ARL15: variants seen among roughly 807,000 people sequenced by gnomAD.
ARL15 encodes ARF like GTPase 15.
In ARL15, 19 loss-of-function variants were observed where a neutral mutation model predicts 25.2. That is an observed-to-expected ratio of 0.75 (90% CI 0.53 to 1.10). The LOEUF is 1.10. ARL15 is among the 50% of genes least tolerant of loss of function. The pLI is 0.00. For synonymous variants in ARL15, 94 were observed against 86.8 expected, an observed-to-expected ratio of 1.08 and a Z score of -0.46; for missense variants, 220 against 246.0, an observed-to-expected ratio of 0.89 and a Z score of 0.71.
chr5:54,235,413 T>C (rs766402465), intron 1 of ARL15, among the ~76,000 whole-genome samples: 2 of 152,066 alleles, frequency 1.3e-5, no homozygotes, highest in Non-Finnish European at 2.9e-5. Flanking sequence ...ACGGGTGGCA[T>C]GATCTAATTT....
chr5:54,075,304 CT>C lies in ARL15; in HGVS notation c.462+37897del, dbSNP rs563618992. Among the ~76,000 whole-genome samples, 599 of 152,182 alleles carry C rather than the reference CT, an allele frequency of 3.9e-3. 5 individuals carry two copies. Among genetic ancestry groups the C allele is most frequent in the African/African-American group, 0.014 (563 of 41,544 alleles). ...AGGTAGGCTTGAGAAAACTGATATA[CT>C]TTCCCCAGGTAGACGTGAAGCTTCT... On this transcript the variant is annotated intron_variant, in intron 4 of 4. Transcript: ENST00000504924.
At chr5:53,965,040 C>T (rs886352103) in intron 4 of ARL15, among the ~76,000 whole-genome samples, 1 of 152,290 alleles carries the variant, frequency 6.6e-6, no homozygotes, top group South Asian at 2.1e-4. Flanking sequence ...ATAAGAAAAT[C>T]TTTGCCAGGA....
At chr5:54,192,404 C>T (rs772340466) in intron 1 of ARL15, among the ~76,000 whole-genome samples, 1 of 152,066 alleles carries the variant, frequency 6.6e-6, no homozygotes, top group Non-Finnish European at 1.5e-5. Context: ...AGTCTCCCCT[C>T]ACTAGAACAT....
At chr5:53,978,622 C>CAAAA (rs147288475) in intron 4 of ARL15, among the ~76,000 whole-genome samples, 2,423 of 74,312 alleles carry the variant, frequency 0.033, 105 homozygotes, top group Non-Finnish European at 0.049. Flanking sequence ...CCTGTCTCTA[C>CAAAA]AAAAAAAAAA....
chr5:54,162,287 C>T (rs1330602257), intron 2 of ARL15, among the ~76,000 whole-genome samples: 1 of 152,126 alleles, frequency 6.6e-6, no homozygotes, highest in Non-Finnish European at 1.5e-5. Flanking sequence ...CCCCTTTTCT[C>T]CTACATCATT....
At chr5:54,228,077 T>G (rs1756574136) in intron 1 of ARL15, among the ~76,000 whole-genome samples, 1 of 152,162 alleles carries the variant, frequency 6.6e-6, no homozygotes, top group African/African-American at 2.4e-5. Context: ...CCTGGGCACC[T>G]TACATGAAAA....
At chr5:54,055,487 A>G (rs1021611375) in intron 4 of ARL15, among the ~76,000 whole-genome samples, 1 of 150,878 alleles carries the variant, frequency 6.6e-6, no homozygotes, top group South Asian at 2.1e-4. Context: ...CAGCCTCCCA[A>G]GTAGCTGGGA....
chr5:54,179,517 T>A (rs539762245), intron 1 of ARL15, among the ~76,000 whole-genome samples: 17 of 152,192 alleles, frequency 1.1e-4, no homozygotes, highest in African/African-American at 4.1e-4. Flanking sequence ...GACCTGCAGC[T>A]CTCTTGGAGT....
rs571402089 is a variant in ARL15 at position 54,258,243 on chromosome 5, G to A, written c.48+52189C>T. Among the ~76,000 whole-genome samples the A allele has an allele frequency of 3.3e-5, 5 of 152,144 alleles. No homozygotes were observed. In the South Asian group the frequency reaches 1.0e-3, roughly 32 times the overall value. ...GTCCAAGCTACTCCAGAAGCCTGAG[G>A]TAGGGGGATCACTTCAACTTGGGAG... On this transcript the variant is annotated intron_variant, in intron 1 of 4. Coordinates refer to ENST00000504924, the MANE Select transcript of ARL15 (RefSeq NM_019087.3).
At chr5:54,040,214 G>A (rs753028052) in intron 4 of ARL15, among the ~76,000 whole-genome samples, 19 of 152,142 alleles carry the variant, frequency 1.2e-4, no homozygotes, top group Non-Finnish European at 2.5e-4. Context: ...CTGGCTAACA[G>A]CATTATGCAG....
intron 1 of ARL15, among the ~76,000 whole-genome samples, chr5:54,293,947 T>C (rs11738130): frequency 0.42 from 64,489 of 151,966 alleles, 17,624 homozygotes; most frequent in Non-Finnish European, 0.6. Flanking sequence ...TGCCTCAGCC[T>C]CCCAAGCAGC....
At chr5:54,031,574 A>T (rs927785293) in intron 4 of ARL15, among the ~76,000 whole-genome samples, 27 of 152,174 alleles carry the variant, frequency 1.8e-4, no homozygotes, top group African/African-American at 6.5e-4. Flanking sequence ...CAGTGATATA[A>T]TTCACTTGAG....
chr5:54,188,466 T>C (rs1755299408), intron 1 of ARL15, among the ~76,000 whole-genome samples: 1 of 152,212 alleles, frequency 6.6e-6, no homozygotes, highest in Non-Finnish European at 1.5e-5. Context: ...GGCATGCTCA[T>C]GACTCTTTGA....
chr5:54,190,994 G>C (rs771047942), intron 1 of ARL15, among the ~76,000 whole-genome samples: 6 of 152,176 alleles, frequency 3.9e-5, no homozygotes, highest in African/African-American at 4.8e-5. Context: ...ATCTGGAAGA[G>C]TTGTTTGTAC....
intron 4 of ARL15, among the ~76,000 whole-genome samples, chr5:54,017,211 T>C (rs1225715024): frequency 6.6e-6 from 1 of 152,206 alleles, no homozygotes; most frequent in African/African-American, 2.4e-5. Context: ...AGAGAGAGCT[T>C]AGGCTTGACA....
intron 4 of ARL15, among the ~76,000 whole-genome samples, chr5:54,076,791 C>T (rs951451411): frequency 1.3e-5 from 2 of 149,248 alleles, no homozygotes; most frequent in African/African-American, 4.9e-5. Flanking sequence ...TGTAGGAGTG[C>T]TTTTTTTTTT....
intron 1 of ARL15, among the ~76,000 whole-genome samples, chr5:54,244,251 T>C (rs1363659103): frequency 2.6e-5 from 4 of 152,218 alleles, no homozygotes; most frequent in African/African-American, 9.6e-5. Context: ...TTCATATTAG[T>C]AAATGAGTGT....
intron 1 of ARL15, among the ~76,000 whole-genome samples, chr5:54,185,204 C>A (rs1299201165): frequency 1.3e-5 from 2 of 152,184 alleles, no homozygotes; most frequent in Non-Finnish European, 2.9e-5. Flanking sequence ...CACCTCCATG[C>A]AGTTTCTGAT....
chr5:54,293,432 T>A (rs1251233310), intron 1 of ARL15, among the ~76,000 whole-genome samples: 4 of 152,214 alleles, frequency 2.6e-5, no homozygotes, highest in Non-Finnish European at 5.9e-5. Context: ...GTTTAATAGT[T>A]CTGCATAAAA....
Sources: gnomAD v4.1 joint callset for allele counts (sites outside exome capture counted in the v4.1 genomes callset) on GRCh38, gnomAD v4.1.1 for gene constraint, MANE v1.5 for transcripts, NCBI Gene and HGNC (gene_info 2026-07-23, HGNC 2026-07-21) for gene names.